Variants in CCDC102B observed in about 807,000 individuals in gnomAD.
The protein encoded by CCDC102B is coiled-coil domain-containing protein 102B.
In CCDC102B, 75 loss-of-function variants were observed where a neutral mutation model predicts 57.4. That is an observed-to-expected ratio of 1.31 (90% CI 1.08 to 1.58). The LOEUF (loss-of-function observed/expected upper bound fraction) is 1.58, where lower values mean the gene tolerates loss of function less well. Ranked by LOEUF, CCDC102B falls within the 40% of genes most tolerant of loss-of-function variation. The pLI, the probability that CCDC102B is intolerant of heterozygous loss-of-function variation, is 0.00. For missense variants in CCDC102B, 636 were observed against 582.6 expected (o/e 1.09, Z -0.94); for synonymous variants, 206 against 201.9 (o/e 1.02, Z -0.17).
chr18:68,867,783 A>AC (rs2039061757), intron 4 of CCDC102B, among the ~76,000 whole-genome samples: 1 of 150,080 alleles, frequency 6.7e-6, no homozygotes, highest in East Asian at 2.0e-4. Flanking sequence ...AAATACAAAA[A>AC]ATTAGTCAGG....
chr18:68,936,861 TACAC>T (rs370419147), intron 6 of CCDC102B, among the ~76,000 whole-genome samples: 9 of 145,242 alleles, frequency 6.2e-5, no homozygotes, highest in African/African-American at 1.9e-4. Flanking sequence ...TATACACATA[TACAC>T]ACACACACAC....
chr18:68,950,138 G>C (rs2049654260), intron 6 of CCDC102B, among the ~76,000 whole-genome samples: 1 of 152,066 alleles, frequency 6.6e-6, no homozygotes, highest in Admixed American at 6.6e-5. Flanking sequence ...AGCAAGAGTT[G>C]AACTTGCTTA....
intron 7 of CCDC102B, among the ~76,000 whole-genome samples, chr18:69,045,016 TTG>T (rs1318769904): frequency 6.6e-6 from 1 of 152,048 alleles, no homozygotes; most frequent in Non-Finnish European, 1.5e-5. Flanking sequence ...CCTTTTCTTG[TTG>T]TGTGTGCGCT....
At chr18:68,983,930 A>G (rs1378000189) in intron 6 of CCDC102B, among the ~76,000 whole-genome samples, 2 of 152,162 alleles carry the variant, frequency 1.3e-5, no homozygotes, top group African/African-American at 2.4e-5. Flanking sequence ...TATCATCACA[A>G]TAACAAAACC....
chr18:68,843,815 T>G (rs2037739695), intron 3 of CCDC102B, among the ~76,000 whole-genome samples: 2 of 151,976 alleles, frequency 1.3e-5, no homozygotes, highest in South Asian at 4.1e-4. Context: ...ACTATATTAT[T>G]CATCAATTTT....
At chr18:68,767,805 A>G (rs1310552540) in intron 2 of CCDC102B, among the ~76,000 whole-genome samples, 1 of 152,198 alleles carries the variant, frequency 6.6e-6, no homozygotes, top group Non-Finnish European at 1.5e-5. Flanking sequence ...CACAAAATAC[A>G]TTTTAGTAAA....
At chr18:69,001,045 A>C (rs1346746911) in intron 6 of CCDC102B, among the ~76,000 whole-genome samples, 2 of 152,112 alleles carry the variant, frequency 1.3e-5, no homozygotes, top group East Asian at 3.9e-4. Flanking sequence ...GCACCCACAC[A>C]CTCAAATGCA....
chr18:68,723,306 C>A (rs1000327755), intron 2 of CCDC102B, among the ~76,000 whole-genome samples: 4 of 152,110 alleles, frequency 2.6e-5, no homozygotes, highest in Non-Finnish European at 5.9e-5. Flanking sequence ...CAAACCATAT[C>A]ATTCTGCCCC....
Position 68,846,422 on chromosome 18 carries a change from G to A in CCDC102B, c.936+1G>A. 2 of 1,531,972 alleles carry A rather than the reference G, an allele frequency of 1.3e-6. No homozygotes were observed. Among genetic ancestry groups the A allele is most frequent in the South Asian group, 1.2e-5 (1 of 83,890 alleles). The allele number at this position is 1,531,972 out of a possible 1,614,324, so 94.9% of individuals were successfully genotyped here. On this transcript the variant is annotated splice_donor_variant, in intron 4 of 7. Transcript: ENST00000360242. LOFTEE classifies it high-confidence loss of function. Reference sequence around the variant, plus strand: ...ATCAAAGCCAAAAAATGTGAAAGAGGTATGGGGGAATATGATGTAAAGGAA... The same window carrying A: ...ATCAAAGCCAAAAAATGTGAAAGAGATATGGGGGAATATGATGTAAAGGAA...
At chr18:68,723,944 G>T (rs2032476805) in intron 2 of CCDC102B, among the ~76,000 whole-genome samples, 1 of 152,172 alleles carries the variant, frequency 6.6e-6, no homozygotes, top group Non-Finnish European at 1.5e-5. Context: ...TCTCCATGAG[G>T]ACTATGCCTC....
At position 68,837,334 on chromosome 18, in the gene CCDC102B, A is replaced by G. The variant is rs200040180; in HGVS notation, c.571A>G (p.Arg191Gly). Residue 191 changes from arginine (R) to glycine (G), a missense_variant, in exon 2 of 8, where the codon AGA (arginine) becomes GGA (glycine). Transcript: ENST00000360242. Reference sequence around the variant, plus strand: ...GTCTATCAGAGAGTATTTGGTAAAAAGACAATTTTCTACAAAGGAGGACAC... The same window carrying G: ...GTCTATCAGAGAGTATTTGGTAAAAGGACAATTTTCTACAAAGGAGGACAC... The part of the protein sequence containing the change: ...HESIREYLVK[R>G]QFSTKEDTNN... 3.1e-4 allele frequency: 503 copies of G among 1,610,242 alleles called. No homozygotes were observed. In the South Asian group the frequency reaches 4.7e-3, roughly 15 times the overall value.
At chr18:68,892,617 T>C (rs553552668) in intron 5 of CCDC102B, among the ~76,000 whole-genome samples, 1 of 152,310 alleles carries the variant, frequency 6.6e-6, no homozygotes, top group East Asian at 1.9e-4. Flanking sequence ...TGAGATTTAG[T>C]CTGTGTTCAC....
In CCDC102B at chr18:69,054,451, A is replaced by G. The variant is rs1412796460; in HGVS notation, c.*314A>G. The G allele has an allele frequency of 1.9e-6, 2 of 1,029,554 alleles. No individual in the cohort carries two copies. Among genetic ancestry groups the G allele is most frequent in the Admixed American group, 5.7e-5 (1 of 17,522 alleles). The allele number at this position is 1,029,554 out of a possible 1,614,324, so 63.8% of individuals were successfully genotyped here. ...GAAAGAGTTATAATATCGGTAAGAA[A>G]AAGTAAGTTGAAAACCATACAAGAC... On this transcript the variant is annotated 3_prime_UTR_variant, in exon 8 of 8. Coordinates refer to ENST00000360242, the MANE Select transcript of CCDC102B (RefSeq NM_024781.3).
At chr18:68,936,749 ATAT>A (rs1412815275) in intron 6 of CCDC102B, among the ~76,000 whole-genome samples, 1 of 67,162 alleles carries the variant, frequency 1.5e-5, no homozygotes, top group Non-Finnish European at 5.0e-5. Context: ...CAACTTTCAT[ATAT>A]ATATATATAT....
Position 68,940,752 on chromosome 18 carries a change from CTT to C in CCDC102B, c.1263+43329_1263+43330del, listed in dbSNP as rs372351611. Among the ~76,000 whole-genome samples the C allele has an allele frequency of 1.3e-4, 20 of 151,902 alleles. No homozygotes were observed. The East Asian group carries it at 2.7e-3, about 21-fold the overall frequency. ...TATATAATTCATATAGCTATGCACACTTTTTTAAAAACTAGAGGTCTAGAATT... is the reference window on the plus strand; with the variant it reads ...TATATAATTCATATAGCTATGCACACTTTTAAAAACTAGAGGTCTAGAATT... On this transcript the variant is annotated intron_variant, in intron 6 of 7. Transcript: ENST00000360242.
At chr18:68,893,455 TA>T (rs2040145228) in intron 5 of CCDC102B, among the ~76,000 whole-genome samples, 1 of 152,176 alleles carries the variant, frequency 6.6e-6, no homozygotes, top group Non-Finnish European at 1.5e-5. Flanking sequence ...TATGTTATGG[TA>T]AGTCTAGTAA....
chr18:68,905,583 CCGCCCTGTCT>C (rs1206976776), intron 6 of CCDC102B, among the ~76,000 whole-genome samples: 1 of 32,548 alleles, frequency 3.1e-5, no homozygotes. Context: ...TGTTATGGGA[CCGCCCTGTCT>C]AGCCCTGTCT....
chr18:68,974,697 A>C (rs74644811), intron 6 of CCDC102B, among the ~76,000 whole-genome samples: 3,675 of 152,052 alleles, frequency 0.024, 116 homozygotes, highest in East Asian at 0.15. Flanking sequence ...TGTTAAAATA[A>C]TACTAAATTT....
chr18:68,882,849 G>A (rs762648271), intron 5 of CCDC102B, among the ~76,000 whole-genome samples: 10 of 152,036 alleles, frequency 6.6e-5, no homozygotes, highest in Non-Finnish European at 1.3e-4. Flanking sequence ...GACATGGATG[G>A]GGCTAGAGGC....
Sources: gnomAD v4.1 joint callset for allele counts (sites outside exome capture counted in the v4.1 genomes callset) on GRCh38, gnomAD v4.1.1 for gene constraint, MANE v1.5 for transcripts, NCBI Gene and HGNC (gene_info 2026-07-23, HGNC 2026-07-21) for gene names.